Variants in SKAP1 observed in about 807,000 individuals in gnomAD.
The protein encoded by SKAP1 is src kinase associated phosphoprotein 1.
Under a neutral mutation model 58.5 loss-of-function variants are expected in SKAP1, and 44 were observed. The ratio of observed to expected loss-of-function variants is 0.75; its 90% confidence interval spans 0.59 to 0.97. The LOEUF is 0.97. SKAP1 is among the 50% of genes least tolerant of loss of function. The pLI, the probability that SKAP1 is intolerant of heterozygous loss-of-function variation, is 0.00. For missense variants in SKAP1, 390 were observed against 435.2 expected, an observed-to-expected ratio of 0.90 and a Z score of 0.92; for synonymous variants, 127 against 149.7, an observed-to-expected ratio of 0.85 and a Z score of 1.11.
chr17:48,339,818 C>G (rs1034486305), intron 4 of SKAP1, among the ~76,000 whole-genome samples: 1 of 152,024 alleles, frequency 6.6e-6, no homozygotes, highest in African/African-American at 2.4e-5. Flanking sequence ...TAAAATCAGG[C>G]CTTACCCCTG....
In SKAP1 at chr17:48,185,665, G is replaced by A. The variant is rs369304758; in HGVS notation, c.443-818C>T. ...ATGTGAAATGAATTGCTTAATAAAT[G>A]CCTTTTGATGATGATAATGATGACA... On this transcript the variant is annotated intron_variant, in intron 6 of 12. Transcript: ENST00000336915. 3.2e-4 allele frequency among the ~76,000 whole-genome samples: 49 copies of A among 152,200 alleles called. No homozygotes were observed. In the East Asian group the frequency reaches 9.3e-3, roughly 29 times the overall value.
At chr17:48,192,488 G>A (rs1336761357) in intron 4 of SKAP1, among the ~76,000 whole-genome samples, 1 of 152,024 alleles carries the variant, frequency 6.6e-6, no homozygotes, top group African/African-American at 2.4e-5. Context: ...TCGTGTGCAG[G>A]GAGAGTCTGT....
intron 10 of SKAP1, among the ~76,000 whole-genome samples, chr17:48,168,649 T>C (rs1481225103): frequency 6.6e-6 from 1 of 152,108 alleles, no homozygotes; most frequent in Non-Finnish European, 1.5e-5. Flanking sequence ...AGAGCGAGAC[T>C]TCATCTCAAA....
intron 4 of SKAP1, among the ~76,000 whole-genome samples, chr17:48,338,686 C>A (rs1010128952): frequency 6.6e-6 from 1 of 152,150 alleles, no homozygotes; most frequent in South Asian, 2.1e-4. Flanking sequence ...AGAGTTTAAA[C>A]ACACACCAAC....
At chr17:48,398,409 C>G (rs1567898767) in intron 1 of SKAP1, among the ~76,000 whole-genome samples, 1 of 151,894 alleles carries the variant, frequency 6.6e-6, no homozygotes, top group Non-Finnish European at 1.5e-5. Context: ...CAAGCTCAAG[C>G]CTCCCACTGA....
intron 4 of SKAP1, among the ~76,000 whole-genome samples, chr17:48,293,003 T>C (rs1436976990): frequency 6.6e-6 from 1 of 152,192 alleles, no homozygotes; most frequent in Non-Finnish European, 1.5e-5. Flanking sequence ...AGTTCATTTT[T>C]CTAACTTGAA....
At chr17:48,200,923 T>C (rs1313762157) in intron 4 of SKAP1, among the ~76,000 whole-genome samples, 1 of 152,216 alleles carries the variant, frequency 6.6e-6, no homozygotes, top group African/African-American at 2.4e-5. Context: ...TAATGTTTGT[T>C]AAACTGAACT....
At chr17:48,379,392 C>T (rs1179242102) in intron 2 of SKAP1, among the ~76,000 whole-genome samples, 1 of 152,178 alleles carries the variant, frequency 6.6e-6, no homozygotes, top group Non-Finnish European at 1.5e-5. Context: ...CTCATTCACA[C>T]TACACCAAAA....
At chr17:48,321,134 A>C (rs1392612766) in intron 4 of SKAP1, among the ~76,000 whole-genome samples, 1 of 152,158 alleles carries the variant, frequency 6.6e-6, no homozygotes. Flanking sequence ...ATCTCACTGG[A>C]GTATAGAAGG....
intron 4 of SKAP1, among the ~76,000 whole-genome samples, chr17:48,314,505 C>A (rs1904391672): frequency 1.3e-5 from 2 of 152,014 alleles, no homozygotes; most frequent in Admixed American, 6.6e-5. Flanking sequence ...TACTTTGAAA[C>A]CAAAGGCCTC....
chr17:48,328,405 TGA>T (rs1181707050), intron 4 of SKAP1, among the ~76,000 whole-genome samples: 1 of 152,150 alleles, frequency 6.6e-6, no homozygotes, highest in Non-Finnish European at 1.5e-5. Context: ...TATGACTTAA[TGA>T]ATACTTGTGA....
At chr17:48,405,438 TTTCTTTCTTTCTTTTCTTTCTTTCTTTCC>T (rs2067564756) in intron 1 of SKAP1, among the ~76,000 whole-genome samples, 2 of 85,672 alleles carry the variant, frequency 2.3e-5, no homozygotes, top group African/African-American at 8.9e-5. Flanking sequence ...TCTTTCTTTC[TTTCTTTCTTTCTTTTCTTTCTTTCTTTCC>T]TTCCTTCCTT....
the SKAP1 span, among the ~76,000 whole-genome samples, chr17:48,444,056 C>T: frequency 2.2e-4 from 33 of 152,014 alleles, 1 homozygote; most frequent in Non-Finnish European, 5.9e-5. Context: ...TCCCTAAAAA[C>T]TTCAACGGTA....
intron 4 of SKAP1, among the ~76,000 whole-genome samples, chr17:48,245,284 C>G (rs1178173973): frequency 6.6e-6 from 1 of 152,154 alleles, no homozygotes; most frequent in Non-Finnish European, 1.5e-5. Flanking sequence ...AACCCACAAT[C>G]TGATTTTTTT....
At chr17:48,367,421 C>A (rs1241055517) in intron 2 of SKAP1, among the ~76,000 whole-genome samples, 1 of 150,970 alleles carries the variant, frequency 6.6e-6, no homozygotes. Flanking sequence ...AGATTTTAAG[C>A]ATTCTCACCA....
In SKAP1 at chr17:48,300,391, G is replaced by A. The variant is rs113468263; in HGVS notation, c.280+45514C>T. Among the ~76,000 whole-genome samples the A allele has an allele frequency of 4.6e-3, 612 of 132,158 alleles. 8 individuals carry two copies. Among genetic ancestry groups the A allele is most frequent in the African/African-American group, 0.019 (586 of 31,404 alleles). The allele number at this position is 132,158 out of a possible 152,430, so 86.7% of individuals were successfully genotyped here. A position where few individuals can be genotyped will look rare whatever the true frequency, so the allele number is the denominator to read the frequency against. On this transcript the variant is annotated intron_variant, in intron 4 of 12. Transcript: ENST00000336915. ...AGTTCTGGGGATTTTGAAAAAGGAG[G>A]AGAAGTTGCCTTGTAAAATGGGCTA...
chr17:48,381,755 A>G (rs2067217022), intron 2 of SKAP1, among the ~76,000 whole-genome samples: 1 of 152,102 alleles, frequency 6.6e-6, no homozygotes, highest in Non-Finnish European at 1.5e-5. Context: ...CATAACAACA[A>G]CCCTACAAGG....
chr17:48,422,770 C>T (rs2067810655), intron 1 of SKAP1, among the ~76,000 whole-genome samples: 1 of 152,124 alleles, frequency 6.6e-6, no homozygotes, highest in Admixed American at 6.5e-5. Flanking sequence ...TTCTCGGCAA[C>T]ATCCAAAAAG....
At chr17:48,316,191 A>G (rs1346661155) in intron 4 of SKAP1, among the ~76,000 whole-genome samples, 1 of 152,186 alleles carries the variant, frequency 6.6e-6, no homozygotes, top group Admixed American at 6.5e-5. Flanking sequence ...TGCAAAATAA[A>G]ATCCAAATAT....
Sources: allele counts gnomAD v4.1 joint callset (sites outside exome capture counted in the v4.1 genomes callset), GRCh38; gene constraint gnomAD v4.1.1; transcripts MANE v1.5; gene names NCBI Gene and HGNC (gene_info 2026-07-23, HGNC 2026-07-21).